Variants in CACNA1D observed in about 807,000 individuals in gnomAD.
The protein encoded by CACNA1D is voltage-dependent L-type calcium channel subunit alpha-1D.
CACNA1D carries 55 observed loss-of-function variants against 257.1 expected under a neutral mutation model. The observed-to-expected ratio is 0.21, with a 90% confidence interval of 0.17 to 0.27. The LOEUF (loss-of-function observed/expected upper bound fraction) is 0.27, where lower values mean the gene tolerates loss of function less well. Among genes scored for constraint, CACNA1D ranks in the 10% least tolerant of loss-of-function variants. CACNA1D has a pLI of 1.00. For missense variants in CACNA1D, 1,876 were observed against 2,784.0 expected, an observed-to-expected ratio of 0.67 and a Z score of 7.34; for synonymous variants, 980 against 1,014.9, an observed-to-expected ratio of 0.97 and a Z score of 0.65.
chr3:53,506,541 G>A (rs116286401), intron 3 of CACNA1D, among the ~76,000 whole-genome samples: 265 of 152,242 alleles, frequency 1.7e-3, no homozygotes, highest in Non-Finnish European at 3.3e-3. Flanking sequence ...CTGGCACACA[G>A]GAAGCACATC....
At chr3:53,603,476 A>G (rs2093470328) in intron 3 of CACNA1D, among the ~76,000 whole-genome samples, 1 of 152,216 alleles carries the variant, frequency 6.6e-6, no homozygotes, top group South Asian at 2.1e-4. Context: ...ATGACTTTCT[A>G]CCTTTAAAGC....
rs2095589460 is a variant in CACNA1D at position 53,810,212 on chromosome 3, T to C, written c.6106T>C (p.Phe2036Leu). ...CGAGCCCGACATCTCCTACCGGACT[T>C]TCACACCAGCCAGCCTGACTGTCCC... ...TDEPDISYRTFTPASLTVPSS... is the reference protein window; with the variant it reads ...TDEPDISYRTLTPASLTVPSS... The change falls in exon 47 of 48, where the codon TTC (phenylalanine) becomes CTC (leucine). Residue 2036 changes from phenylalanine to leucine, a missense_variant. Around this residue, in one of 10 missense-constraint regions of CACNA1D, gnomAD observed 491 missense variants for 554.3 expected, o/e 0.89. Transcript: ENST00000350061. The C allele has an allele frequency of 6.2e-7, 1 of 1,613,944 alleles. No individual in the cohort carries two copies.
intron 3 of CACNA1D, among the ~76,000 whole-genome samples, chr3:53,545,816 C>T (rs762892155): frequency 4.6e-5 from 7 of 152,248 alleles, no homozygotes; most frequent in South Asian, 4.2e-4. Flanking sequence ...AGGGAGGAGG[C>T]GCTCTGGCAA....
intron 3 of CACNA1D, among the ~76,000 whole-genome samples, chr3:53,578,877 T>A (rs1319656244): frequency 6.6e-6 from 1 of 152,182 alleles, no homozygotes; most frequent in Admixed American, 6.5e-5. Context: ...GCTTGGGGGA[T>A]GATGTACTTT....
intron 8 of CACNA1D, among the ~76,000 whole-genome samples, chr3:53,677,323 C>T (rs1005373098): frequency 6.6e-6 from 1 of 152,198 alleles, no homozygotes; most frequent in East Asian, 1.9e-4. Context: ...TGGAGTCCCG[C>T]GTTCACTCTG....
At chr3:53,683,696 G>T (rs1319581330) in intron 8 of CACNA1D, among the ~76,000 whole-genome samples, 1 of 148,032 alleles carries the variant, frequency 6.8e-6, no homozygotes, top group African/African-American at 2.4e-5. Context: ...CATAATAAAA[G>T]AATAGGTAAA....
chr3:53,584,590 C>T (rs2093183943), intron 3 of CACNA1D, among the ~76,000 whole-genome samples: 1 of 152,198 alleles, frequency 6.6e-6, no homozygotes, highest in African/African-American at 2.4e-5. Context: ...AAGGAAGACT[C>T]AGTGCCTGCT....
intron 29 of CACNA1D, among the ~76,000 whole-genome samples, chr3:53,756,016 G>A (rs1238304266): frequency 6.6e-6 from 1 of 152,170 alleles, no homozygotes; most frequent in Non-Finnish European, 1.5e-5. Context: ...CTCATGGGAG[G>A]AGCTTTGTAA....
At chr3:53,561,994 A>G (rs895196556) in intron 3 of CACNA1D, among the ~76,000 whole-genome samples, 1 of 152,242 alleles carries the variant, frequency 6.6e-6, no homozygotes, top group African/African-American at 2.4e-5. Flanking sequence ...AGGAATGAAG[A>G]CACATTTTGT....
chr3:53,753,954 G>A (rs1283437278), intron 29 of CACNA1D, among the ~76,000 whole-genome samples: 2 of 152,248 alleles, frequency 1.3e-5, no homozygotes, highest in African/African-American at 2.4e-5. Context: ...TTGAAAGCCA[G>A]TTTTCTGTTT....
chr3:53,667,897 A>G (rs549183057), intron 7 of CACNA1D, among the ~76,000 whole-genome samples: 6 of 152,004 alleles, frequency 3.9e-5, no homozygotes, highest in Non-Finnish European at 8.8e-5. Context: ...ACGTCTTTTC[A>G]TAAAGAGGAA....
chr3:53,580,155 A>G (rs565304869), intron 3 of CACNA1D, among the ~76,000 whole-genome samples: 13 of 152,350 alleles, frequency 8.5e-5, no homozygotes, highest in African/African-American at 3.1e-4. Flanking sequence ...CAGATGTGCC[A>G]TGCTGAAAAA....
intron 3 of CACNA1D, among the ~76,000 whole-genome samples, chr3:53,530,030 G>GT (rs1380561604): frequency 6.6e-6 from 1 of 152,060 alleles, no homozygotes; most frequent in Non-Finnish European, 1.5e-5. Context: ...AGATAAGAAT[G>GT]TTTTTTTAAT....
At chr3:53,520,894 C>CTTTCT (rs1559785120) in intron 3 of CACNA1D, among the ~76,000 whole-genome samples, 1 of 103,034 alleles carries the variant, frequency 9.7e-6, no homozygotes, top group African/African-American at 3.5e-5. Context: ...TTCTTTCTTT[C>CTTTCT]TTTTCTTTTC....
chr3:53,578,255 A>G (rs575957891), intron 3 of CACNA1D, among the ~76,000 whole-genome samples: 2 of 152,186 alleles, frequency 1.3e-5, no homozygotes, highest in South Asian at 4.2e-4. Context: ...ACAATACAGG[A>G]GGACTAGATG....
chr3:53,788,106 A>G (rs987552607), intron 40 of CACNA1D, among the ~76,000 whole-genome samples: 2 of 152,124 alleles, frequency 1.3e-5, no homozygotes, highest in African/African-American at 4.8e-5. Context: ...GCTGAGAGAG[A>G]GAATATGAAT....
rs549433423 is a variant in CACNA1D, at chr3:53,762,142, C to A, written c.3870+61C>A. 4 of 1,020,550 alleles carry A rather than the reference C, an allele frequency of 3.9e-6. No individual in the cohort carries two copies. In the East Asian group the frequency reaches 7.1e-5, roughly 18 times the overall value. The allele number at this position is 1,020,550 out of a possible 1,614,324, so 63.2% of individuals were successfully genotyped here. On this transcript the variant is annotated intron_variant, in intron 30 of 47. Transcript: ENST00000350061. Reference sequence around the variant, plus strand: ...CTCTCTCCTCTGTCTGTGCATACTCCGCTCCCTGCCCTGCAGTGGCATCAC... The same window carrying A: ...CTCTCTCCTCTGTCTGTGCATACTCAGCTCCCTGCCCTGCAGTGGCATCAC...
intron 3 of CACNA1D, among the ~76,000 whole-genome samples, chr3:53,563,704 C>G (rs1297295192): frequency 6.6e-6 from 1 of 152,138 alleles, no homozygotes; most frequent in African/African-American, 2.4e-5. Flanking sequence ...AATAATACTT[C>G]TTAGATTTAT....
intron 37 of CACNA1D, among the ~76,000 whole-genome samples, chr3:53,777,210 G>A (rs954102581): frequency 2.6e-5 from 4 of 152,274 alleles, no homozygotes; most frequent in Middle Eastern, 3.4e-3. Context: ...ATTTCAGTCC[G>A]GTCCAGAAGG....
Sources: allele counts gnomAD v4.1 joint callset (sites outside exome capture counted in the v4.1 genomes callset), GRCh38; gene constraint gnomAD v4.1.1; regional missense constraint gnomAD v4.1.1; transcripts MANE v1.5; gene names NCBI Gene and HGNC (gene_info 2026-07-23, HGNC 2026-07-21).